Variants in GALNT3 observed in about 807,000 individuals in gnomAD.
GALNT3 encodes the protein GalNAc transferase 3.
Under a neutral mutation model 69.8 loss-of-function variants are expected in GALNT3, and 51 were observed. The ratio of observed to expected loss-of-function variants is 0.73; its 90% CI spans 0.58 to 0.92. GALNT3 has a LOEUF of 0.92. Ranked by LOEUF, GALNT3 falls within the 40% of genes least tolerant of loss-of-function variation. The probability of loss-of-function intolerance (pLI) is 0.00; values close to 1 mark genes in which losing one functional copy is unlikely to be tolerated. For missense variants in GALNT3, 711 were observed against 760.0 expected, an observed-to-expected ratio of 0.94 and a Z score of 0.76; for synonymous variants, 265 against 248.5, an observed-to-expected ratio of 1.07 and a Z score of -0.63.
In GALNT3 at chr2:165,770,188, A is replaced by C. The variant is rs1192573955; in HGVS notation, c.513T>G (p.Pro171=). ...ACAATAAATATTCTTCAACATACTCAGGAGGTCGAGTGTCTGGTCCAAGAT... is the reference window on the plus strand; with the variant it reads ...ACAATAAATATTCTTCAACATACTCCGGAGGTCGAGTGTCTGGTCCAAGAT... ...HRDLGPDTRP[P]ECIEQKFKRC... Residue 171 remains proline, a splice_region_variant and synonymous_variant, in exon 2 of 11, where the codon CCT becomes CCG. Transcript: ENST00000392701. 1.9e-6 allele frequency: 3 copies of C among 1,614,048 alleles called. No homozygotes were observed. The highest frequency in any genetic ancestry group is 1.7e-6 in the Non-Finnish European group (2 of 1,180,012).
rs149544089 is a variant in GALNT3 at position 165,759,484 on chromosome 2, T to C, written c.925A>G (p.Ile309Val). 1.6e-5 allele frequency: 26 copies of C among 1,614,108 alleles called. No individual in the cohort carries two copies. Among genetic ancestry groups the C allele is most frequent in the Non-Finnish European group, 2.2e-5 (26 of 1,180,008 alleles). Residue 309 changes from isoleucine (I) to valine (V), a missense_variant, in exon 5 of 11, where the codon ATA (isoleucine) becomes GTA (valine). Transcript: ENST00000392701. Reference sequence around the variant, plus strand: ...TTGAATTCAAACGTGTTCAGATCTATGGATGCAATATCTGGACTTACGACA... The same window carrying C: ...TTGAATTCAAACGTGTTCAGATCTACGGATGCAATATCTGGACTTACGACA... ...TAVVSPDIAS[I>V]DLNTFEFNKP...
intron 1 of GALNT3, among the ~76,000 whole-genome samples, chr2:165,781,310 T>C (rs1683102311): frequency 6.6e-6 from 1 of 152,100 alleles, no homozygotes; most frequent in Non-Finnish European, 1.5e-5. Flanking sequence ...AATTCAAAAA[T>C]GACTATTGAG....
chr2:165,756,132 A>C (rs1049978630), intron 7 of GALNT3, among the ~76,000 whole-genome samples: 5 of 152,320 alleles, frequency 3.3e-5, no homozygotes, highest in African/African-American at 1.2e-4. Context: ...GAGACCAGAG[A>C]AAAAGGGAAA....
chr2:165,793,978 G>C (rs753457352), intron 1 of GALNT3, 37 bp downstream of exon 1: 1 of 152,440 alleles, frequency 6.6e-6, no homozygotes, highest in African/African-American at 2.4e-5. Context: ...ACGCAGCCCA[G>C]GGGTACCGCG....
At chr2:165,768,534 A>G (rs1044114775) in intron 2 of GALNT3, among the ~76,000 whole-genome samples, 1 of 152,204 alleles carries the variant, frequency 6.6e-6, no homozygotes, top group African/African-American at 2.4e-5. Context: ...TTACACATTC[A>G]TTTAAAAATT....
In GALNT3 at chr2:165,764,952, C is replaced by T. The variant is rs769019531; in HGVS notation, c.620G>A (p.Ser207Asn). 4 of 1,614,192 alleles carry T rather than the reference C, an allele frequency of 2.5e-6. No homozygotes were observed. Among genetic ancestry groups the T allele is most frequent in the Non-Finnish European group, 3.4e-6 (4 of 1,180,010 alleles). The change falls in exon 3 of 11, where the codon AGT becomes AAT. Residue 207 changes from serine (S) to asparagine (N), a missense_variant. Physicochemically the swap from Ser to Asn is conservative, Grantham distance 46. Transcript: ENST00000392701. ...AWSTLLRTVH[S>N]VLYSSPAILL... ...TATTGCAGGTGAAGAATAGAGCACA[C>T]TGTGGACAGTTCTAAGCAACGTGGA...
chr2:165,784,836 T>C lies in GALNT3; in HGVS notation c.-109+9179A>G, dbSNP rs897673137. Among the ~76,000 whole-genome samples, 3 of 152,124 alleles carry C rather than the reference T, an allele frequency of 2.0e-5. No individual in the cohort carries two copies. In the East Asian group the frequency reaches 5.8e-4, roughly 29 times the overall value. Reference sequence around the variant, plus strand: ...GAGGTAACAACAGAAACAAGTTTTATCCAGTTCAAAATGATGGGTCACATC... The same window carrying C: ...GAGGTAACAACAGAAACAAGTTTTACCCAGTTCAAAATGATGGGTCACATC... On this transcript the variant is annotated intron_variant, in intron 1 of 10. Coordinates refer to ENST00000392701, the MANE Select transcript of GALNT3 (RefSeq NM_004482.4).
intron 1 of GALNT3, among the ~76,000 whole-genome samples, chr2:165,780,538 T>C (rs1003298513): frequency 6.6e-6 from 1 of 152,212 alleles, no homozygotes; most frequent in Non-Finnish European, 1.5e-5. Context: ...TTATCCAGTA[T>C]TATTCACAGT....
At chr2:165,787,309 C>A (rs1332799970) in intron 1 of GALNT3, among the ~76,000 whole-genome samples, 1 of 152,132 alleles carries the variant, frequency 6.6e-6, no homozygotes, top group South Asian at 2.1e-4. Flanking sequence ...GCAGAAGGAA[C>A]AGAGCAATAT....
chr2:165,758,843 T>A lies in GALNT3; in HGVS notation c.1095A>T (p.Gly365=). The change falls in exon 6 of 11, where the codon GGA becomes GGT. Residue 365 remains glycine (G), a synonymous_variant. Transcript: ENST00000392701. ...AATATTCTTTTGATATGGAAAAAAG[T>A]CCTCCTGCAAAAGTGGGTGTTCTGA... ...YPIKTPTFAG[G]LFSISKEYFE... 1 of 1,609,264 alleles carries A rather than the reference T, an allele frequency of 6.2e-7. No individual in the cohort carries two copies. Among genetic ancestry groups the A allele is most frequent in the South Asian group, 1.1e-5 (1 of 90,950 alleles).
intron 1 of GALNT3, among the ~76,000 whole-genome samples, chr2:165,779,001 T>C (rs1559005413): frequency 6.6e-6 from 1 of 152,156 alleles, no homozygotes; most frequent in Non-Finnish European, 1.5e-5. Flanking sequence ...AGCAGGTCCA[T>C]GGTGTCTGTG....
intron 4 of GALNT3, among the ~76,000 whole-genome samples, chr2:165,760,925 TA>T (rs2105409087): frequency 6.6e-6 from 1 of 152,082 alleles, no homozygotes; most frequent in Non-Finnish European, 1.5e-5. Flanking sequence ...TGAAAATAAT[TA>T]AAGTACAAAG....
intron 10 of GALNT3, 82 bp downstream of exon 10, chr2:165,749,660 A>G (rs1344109409): frequency 3.5e-6 from 4 of 1,156,058 alleles, no homozygotes; most frequent in African/African-American, 1.5e-5. Flanking sequence ...ATATTAATGT[A>G]CCATGTTCCA....
chr2:165,761,146 T>C (rs915200613), intron 4 of GALNT3, among the ~76,000 whole-genome samples: 3 of 151,018 alleles, frequency 2.0e-5, no homozygotes, highest in Non-Finnish European at 3.0e-5. Flanking sequence ...CAAACTAAAA[T>C]ATAAAAAAAG....
intron 1 of GALNT3, among the ~76,000 whole-genome samples, chr2:165,775,388 A>T (rs1472890056): frequency 6.6e-6 from 1 of 152,210 alleles, no homozygotes; most frequent in Non-Finnish European, 1.5e-5. Flanking sequence ...AAGATTGTAG[A>T]TCTTAAAATG....
intron 1 of GALNT3, among the ~76,000 whole-genome samples, chr2:165,780,927 C>T (rs745812062): frequency 1.3e-5 from 2 of 152,104 alleles, no homozygotes; most frequent in Non-Finnish European, 2.9e-5. Flanking sequence ...TGATGGGAAA[C>T]TTGGTCCACA....
chr2:165,759,541 G>C lies in GALNT3; in HGVS notation c.868C>G (p.Leu290Val), dbSNP rs1397630607. The C allele has an allele frequency of 1.9e-6, 3 of 1,613,632 alleles. No individual in the cohort carries two copies. The highest frequency in any genetic ancestry group is 2.5e-6 in the Non-Finnish European group (3 of 1,179,944). The change falls in exon 5 of 11, where the codon CTG (leucine) becomes GTG (valine). Residue 290 changes from leucine (L) to valine (V), a missense_variant. Transcript: ENST00000392701. Reference protein sequence around the residue: ...CECFYGWLEPLLARIAENYTA... With the variant: ...CECFYGWLEPVLARIAENYTA... ...TAGTTCTCAGCTATTCTGGCCAACA[G>C]AGGTTCTAGCCAACCATAGAAACAC...
chr2:165,760,886 CT>C (rs1221411556), intron 4 of GALNT3, among the ~76,000 whole-genome samples: 1 of 152,074 alleles, frequency 6.6e-6, no homozygotes, highest in Non-Finnish European at 1.5e-5. Context: ...TCTAAAAATG[CT>C]TTCTAAATAC....
In GALNT3 at chr2:165,766,720, G is replaced by A. The variant is rs116266169; in HGVS notation, c.516-1664C>T. Among the ~76,000 whole-genome samples, 352 of 64,172 alleles carry A rather than the reference G, an allele frequency of 5.5e-3. 3 individuals carry two copies. Among genetic ancestry groups the A allele is most frequent in the African/African-American group, 0.012 (338 of 27,252 alleles). The allele number at this position is 64,172 out of a possible 152,430, so 42.1% of individuals were successfully genotyped here. A position where few individuals can be genotyped will look rare whatever the true frequency, so the allele number is the denominator to read the frequency against. On this transcript the variant is annotated intron_variant, in intron 2 of 10. Coordinates refer to ENST00000392701, the MANE Select transcript of GALNT3 (RefSeq NM_004482.4). Reference sequence around the variant, plus strand: ...TGCCAGGGCCAATGGGGAAACTGTAGCCTCCAGTGTGATATTAGGGGCCTG... The same window carrying A: ...TGCCAGGGCCAATGGGGAAACTGTAACCTCCAGTGTGATATTAGGGGCCTG...
Sources: allele counts gnomAD v4.1 joint callset (sites outside exome capture counted in the v4.1 genomes callset), GRCh38; gene constraint gnomAD v4.1.1; transcripts MANE v1.5; gene names NCBI Gene and HGNC (gene_info 2026-07-23, HGNC 2026-07-21).